Variants in ERBB4 observed in about 807,000 individuals in gnomAD.
ERBB4 encodes receptor tyrosine-protein kinase erbB-4.
ERBB4 carries 42 observed loss-of-function variants against 158.0 expected under a neutral mutation model. The observed-to-expected ratio is 0.27, with a 90% CI of 0.21 to 0.34. ERBB4 has a LOEUF of 0.34. Ranked by LOEUF, ERBB4 falls within the 10% of genes least tolerant of loss-of-function variation. The probability of loss-of-function intolerance (pLI) is 1.00; values close to 1 mark genes in which losing one functional copy is unlikely to be tolerated. For synonymous variants in ERBB4, 583 were observed against 558.7 expected (o/e 1.04, Z -0.61); for missense variants, 1,333 against 1,624.1 (o/e 0.82, Z 3.08).
At chr2:212,396,536 C>A (rs2091030286) in intron 1 of ERBB4, among the ~76,000 whole-genome samples, 1 of 152,014 alleles carries the variant, frequency 6.6e-6, no homozygotes, top group Admixed American at 6.6e-5. Flanking sequence ...ATATAAAGTT[C>A]TTAGAATTTA....
intron 1 of ERBB4, among the ~76,000 whole-genome samples, chr2:212,294,200 TTA>T (rs2086325649): frequency 6.6e-6 from 1 of 152,088 alleles, no homozygotes; most frequent in South Asian, 2.1e-4. Context: ...ATACAAGGTT[TTA>T]TTACACAATT....
intron 25 of ERBB4, among the ~76,000 whole-genome samples, chr2:211,397,921 C>G (rs1157289113): frequency 6.6e-6 from 1 of 152,150 alleles, no homozygotes; most frequent in Non-Finnish European, 1.5e-5. Context: ...AAAATCTTCT[C>G]AAATTGGTCA....
At chr2:211,829,707 G>A (rs958802351) in intron 3 of ERBB4, among the ~76,000 whole-genome samples, 2 of 152,050 alleles carry the variant, frequency 1.3e-5, no homozygotes, top group Non-Finnish European at 2.9e-5. Flanking sequence ...AACACCTTGA[G>A]TTTCCTTAAT....
chr2:211,442,439 C>A (rs1329588000), intron 20 of ERBB4, among the ~76,000 whole-genome samples: 1 of 152,036 alleles, frequency 6.6e-6, no homozygotes, highest in Non-Finnish European at 1.5e-5. Context: ...GAGCTAAACC[C>A]TGAGATTATC....
At chr2:211,864,703 C>T (rs778790823) in intron 3 of ERBB4, among the ~76,000 whole-genome samples, 2 of 152,096 alleles carry the variant, frequency 1.3e-5, no homozygotes, top group Non-Finnish European at 2.9e-5. Context: ...TGGTGGCTCA[C>T]GCTTGTAATA....
At chr2:211,390,758 T>C (rs1462224618) in intron 25 of ERBB4, among the ~76,000 whole-genome samples, 1 of 152,162 alleles carries the variant, frequency 6.6e-6, no homozygotes, top group African/African-American at 2.4e-5. Context: ...ACCTGCCAAC[T>C]CTGTATCTGG....
At chr2:212,018,480 A>G (rs1392283819) in intron 2 of ERBB4, among the ~76,000 whole-genome samples, 1 of 152,230 alleles carries the variant, frequency 6.6e-6, no homozygotes, top group East Asian at 1.9e-4. Flanking sequence ...ATAAACCAGC[A>G]TAGAAGATTA....
At chr2:212,153,489 T>G (rs2080936020) in intron 1 of ERBB4, among the ~76,000 whole-genome samples, 1 of 152,086 alleles carries the variant, frequency 6.6e-6, no homozygotes, top group Admixed American at 6.6e-5. Flanking sequence ...AATAATTGTG[T>G]CTAAGTAGGA....
intron 20 of ERBB4, among the ~76,000 whole-genome samples, chr2:211,509,226 C>T (rs549561351): frequency 1.1e-4 from 16 of 152,140 alleles, no homozygotes; most frequent in African/African-American, 3.6e-4. Context: ...AGGACAAATA[C>T]TAATTCTTGG....
chr2:212,127,168 G>C (rs1158605295), intron 1 of ERBB4, among the ~76,000 whole-genome samples: 1 of 152,184 alleles, frequency 6.6e-6, no homozygotes, highest in East Asian at 1.9e-4. Flanking sequence ...GATGAGGTAG[G>C]TCATTTGGGT....
intron 5 of ERBB4, among the ~76,000 whole-genome samples, chr2:211,735,978 C>A (rs1399810027): frequency 2.6e-5 from 4 of 151,032 alleles, no homozygotes; most frequent in African/African-American, 9.7e-5. Flanking sequence ...CATAATGAGA[C>A]CTTGTCTCTA....
intron 1 of ERBB4, among the ~76,000 whole-genome samples, chr2:212,262,733 G>T (rs1170038352): frequency 2.6e-5 from 4 of 152,002 alleles, no homozygotes; most frequent in Non-Finnish European, 5.9e-5. Flanking sequence ...TGGTGAATTG[G>T]ATCCATGGGC....
At chr2:212,219,831 C>T (rs1447875935) in intron 1 of ERBB4, among the ~76,000 whole-genome samples, 1 of 151,054 alleles carries the variant, frequency 6.6e-6, no homozygotes, top group African/African-American at 2.4e-5. Flanking sequence ...CTGCACAAAC[C>T]CTCTGGTTTT....
intron 1 of ERBB4, among the ~76,000 whole-genome samples, chr2:212,288,000 C>T (rs567267831): frequency 4.6e-5 from 7 of 152,176 alleles, no homozygotes; most frequent in African/African-American, 1.7e-4. Context: ...CAACAGACCT[C>T]CGTTACAAAA....
intron 4 of ERBB4, among the ~76,000 whole-genome samples, chr2:211,754,910 A>G (rs1490880238): frequency 6.6e-6 from 1 of 152,142 alleles, no homozygotes; most frequent in Admixed American, 6.5e-5. Context: ...CCTGTTGGCC[A>G]GGCTGGTCTT....
chr2:211,946,214 TA>T, intron 3 of ERBB4, among the ~76,000 whole-genome samples: 1 of 152,106 alleles, frequency 6.6e-6, no homozygotes, highest in South Asian at 2.1e-4. Flanking sequence ...CCAAAATAAA[TA>T]ACACAATCAG....
chr2:211,660,994 G>A (rs2071402807), intron 15 of ERBB4, among the ~76,000 whole-genome samples: 1 of 152,112 alleles, frequency 6.6e-6, no homozygotes, highest in Non-Finnish European at 1.5e-5. Flanking sequence ...CTAGAATTTA[G>A]GTTTTTGTGA....
intron 2 of ERBB4, among the ~76,000 whole-genome samples, chr2:211,980,538 A>C (rs2081760682): frequency 6.6e-6 from 1 of 152,168 alleles, no homozygotes; most frequent in African/African-American, 2.4e-5. Flanking sequence ...GTTTTAAATA[A>C]TGTAAGTACA....
At chr2:212,385,400 A>C (rs912611555) in intron 1 of ERBB4, among the ~76,000 whole-genome samples, 2 of 151,774 alleles carry the variant, frequency 1.3e-5, no homozygotes, top group African/African-American at 2.4e-5. Flanking sequence ...TCGACAAACC[A>C]CATTTTCCTT....
Sources: gnomAD v4.1 joint callset for allele counts (sites outside exome capture counted in the v4.1 genomes callset) on GRCh38, gnomAD v4.1.1 for gene constraint, MANE v1.5 for transcripts, NCBI Gene and HGNC (gene_info 2026-07-23, HGNC 2026-07-21) for gene names.